Variants in GLB1 observed in about 807,000 individuals in gnomAD.
The protein encoded by GLB1 is beta-galactosidase.
GLB1 carries 56 observed loss-of-function variants against 74.0 expected under a neutral mutation model. That is an observed-to-expected ratio of 0.76 (90% CI 0.61 to 0.94). The LOEUF is 0.94. Among genes scored for constraint, GLB1 ranks in the 40% least tolerant of loss-of-function variants. GLB1 has a pLI of 0.00. For synonymous variants in GLB1, 323 were observed against 323.6 expected, an observed-to-expected ratio of 1.00 and a Z score of 0.02; for missense variants, 787 against 845.5, an observed-to-expected ratio of 0.93 and a Z score of 0.86.
At chr3:33,091,669 G>A (rs2125582793) in intron 1 of GLB1, 1 of 985,182 alleles carries the variant, frequency 1.0e-6, no homozygotes, top group Non-Finnish European at 1.2e-6. Flanking sequence ...AGGGTTGATG[G>A]AAACCAAGGC....
intron 10 of GLB1, chr3:33,034,209 A>G: frequency 3.1e-6 from 2 of 641,316 alleles, no homozygotes; most frequent in South Asian, 3.4e-5. Flanking sequence ...CCCCATGACT[A>G]CGGCCTGATC....
the GLB1 span, among the ~76,000 whole-genome samples, chr3:32,962,560 AC>A: frequency 6.6e-6 from 1 of 152,164 alleles, no homozygotes; most frequent in African/African-American, 2.4e-5. Flanking sequence ...TAATTGGAAC[AC>A]CCAAGAGAAT....
chr3:33,020,457 C>T (rs1279058535), intron 12 of GLB1, among the ~76,000 whole-genome samples: 3 of 152,166 alleles, frequency 2.0e-5, no homozygotes, highest in African/African-American at 4.8e-5. Context: ...GCTGGTCTCA[C>T]GGGCATCCTG....
At chr3:33,027,039 C>T (rs765956063) in intron 10 of GLB1, among the ~76,000 whole-genome samples, 10 of 152,220 alleles carry the variant, frequency 6.6e-5, no homozygotes, top group Non-Finnish European at 8.8e-5. Context: ...TTGCTCACCA[C>T]GTTGTGGGGG....
intron 1 of GLB1, among the ~76,000 whole-genome samples, chr3:33,087,581 AC>A (rs1700565231): frequency 1.6e-4 from 2 of 12,200 alleles, no homozygotes; most frequent in African/African-American, 4.6e-4. Context: ...GCATGCGCGC[AC>A]ACACACACAC....
chr3:33,016,135 C>T (rs888299021), intron 14 of GLB1, among the ~76,000 whole-genome samples: 4 of 152,136 alleles, frequency 2.6e-5, no homozygotes, highest in African/African-American at 7.2e-5. Context: ...CCATCCAAAC[C>T]CATAAAACAG....
chr3:33,074,356 G>GAAA (rs1491405817), intron 1 of GLB1, among the ~76,000 whole-genome samples: 1 of 98,808 alleles, frequency 1.0e-5, no homozygotes, highest in African/African-American at 3.6e-5. Context: ...AAGGAAGGAA[G>GAAA]GAAGGAAGGA....
At chr3:32,982,840 T>A in the GLB1 span, among the ~76,000 whole-genome samples, 1 of 152,206 alleles carries the variant, frequency 6.6e-6, no homozygotes, top group Non-Finnish European at 1.5e-5. Flanking sequence ...ATGTCTTTAT[T>A]TTGCCAACAT....
chr3:33,089,340 A>G (rs577296183), intron 1 of GLB1, among the ~76,000 whole-genome samples: 1 of 152,232 alleles, frequency 6.6e-6, no homozygotes, highest in Non-Finnish European at 1.5e-5. Flanking sequence ...CAATGTACAG[A>G]ACTGAAGAAA....
chr3:32,985,672 A>C, the GLB1 span, among the ~76,000 whole-genome samples: 4 of 151,722 alleles, frequency 2.6e-5, no homozygotes, highest in Non-Finnish European at 4.4e-5. Context: ...CGTCTTCTTG[A>C]TAAATTGGAA....
intron 10 of GLB1, among the ~76,000 whole-genome samples, chr3:33,028,245 G>A (rs907155508): frequency 6.6e-6 from 1 of 151,974 alleles, no homozygotes; most frequent in African/African-American, 2.4e-5. Flanking sequence ...TGCTTCTTCT[G>A]GTCTCTAAGT....
At chr3:32,969,613 G>A in the GLB1 span, among the ~76,000 whole-genome samples, 1 of 152,154 alleles carries the variant, frequency 6.6e-6, no homozygotes, top group African/African-American at 2.4e-5. Context: ...GAGATCCCAA[G>A]CTACACTCCA....
chr3:33,057,142 G>A (rs914438426), intron 6 of GLB1, among the ~76,000 whole-genome samples: 16 of 152,208 alleles, frequency 1.1e-4, no homozygotes, highest in Non-Finnish European at 1.9e-4. Context: ...GTGAGTGAAT[G>A]AGTTATGAGA....
intron 5 of GLB1, 88 bp from the exon 6 acceptor site, chr3:33,058,357 A>C: frequency 6.4e-7 from 1 of 1,565,228 alleles, no homozygotes; most frequent in Middle Eastern, 1.7e-4. Flanking sequence ...ATATCTGAGC[A>C]TCTGCTAAGA....
the GLB1 span, among the ~76,000 whole-genome samples, chr3:32,970,193 C>G: frequency 6.6e-6 from 1 of 152,188 alleles, no homozygotes. Context: ...AAATTACAGA[C>G]AGCCTACAGG....
the GLB1 span, among the ~76,000 whole-genome samples, chr3:32,962,201 A>AG: frequency 6.6e-6 from 1 of 151,296 alleles, no homozygotes; most frequent in African/African-American, 2.4e-5. Flanking sequence ...ATTAAAAAAA[A>AG]AAGAGAGTCT....
the GLB1 span, among the ~76,000 whole-genome samples, chr3:32,973,628 G>A: frequency 6.6e-6 from 1 of 152,054 alleles, no homozygotes; most frequent in African/African-American, 2.4e-5. Context: ...TTACAGGCAT[G>A]AGCCACCACG....
chr3:33,095,450 C>G (rs1431846218), intron 1 of GLB1, among the ~76,000 whole-genome samples: 20 of 152,024 alleles, frequency 1.3e-4, no homozygotes, highest in Non-Finnish European at 2.9e-4. Flanking sequence ...GGCGTGAACC[C>G]TAAAGAAATG....
intron 10 of GLB1, among the ~76,000 whole-genome samples, chr3:33,036,892 T>G (rs1698300934): frequency 6.6e-6 from 1 of 152,202 alleles, no homozygotes; most frequent in Non-Finnish European, 1.5e-5. Flanking sequence ...TATTGCTTCA[T>G]GGTTACAGAG....
Sources: allele counts gnomAD v4.1 joint callset (sites outside exome capture counted in the v4.1 genomes callset), GRCh38; gene constraint gnomAD v4.1.1; transcripts MANE v1.5; gene names NCBI Gene and HGNC (gene_info 2026-07-23, HGNC 2026-07-21).